Variants in H1-4 observed in about 807,000 individuals in gnomAD.
The protein encoded by H1-4 is histone H1.4.
A neutral mutation model predicts 7.2 loss-of-function variants in H1-4; 9 were observed. The ratio of observed to expected loss-of-function variants is 1.25; its 90% CI spans 0.75 to 2.18. The LOEUF (loss-of-function observed/expected upper bound fraction) is 2.18, where lower values mean the gene tolerates loss of function less well. Ranked by LOEUF, H1-4 falls within the 30% of genes most tolerant of loss-of-function variation. The probability of loss-of-function intolerance (pLI) is 0.00; values close to 1 mark genes in which losing one functional copy is unlikely to be tolerated. For synonymous variants in H1-4, 318 were observed against 126.6 expected (o/e 2.51, Z -10.15); for missense variants, 646 against 287.9 (o/e 2.24, Z -9.00).
Position 26,156,498 on chromosome 6 carries a change from T to C in H1-4, c.108T>C (p.Ser36=), listed in dbSNP as rs779790843. The part of the protein sequence containing the change: ...KSAGAAKRKA[S]GPPVSELITK... ...CAGGTGCGGCCAAGCGCAAAGCGTC[T>C]GGGCCCCCGGTGTCCGAGCTCATTA... is the stretch of plus-strand genomic sequence containing the variant. The change falls in exon 1 of 1, where the codon TCT becomes TCC. Residue 36 remains serine (S), a synonymous_variant. Transcript: ENST00000304218. 1.1e-5 allele frequency: 18 copies of C among 1,613,528 alleles called. No individual in the cohort carries two copies. In the African/African-American group the frequency reaches 2.0e-4, roughly 18 times the overall value.
rs372668418 is a variant in H1-4 at position 26,157,065 on chromosome 6, C to T, written c.*15C>T. On this transcript the variant is annotated 3_prime_UTR_variant, in exon 1 of 1. Coordinates refer to ENST00000304218, the MANE Select transcript of H1-4 (RefSeq NM_005321.3). ...AGAAAAAGTAGAAAGTTCCTTTGGC[C>T]AACTGCTTAGAAGCCCAACACAACC... 5.7e-5 allele frequency: 90 copies of T among 1,576,380 alleles called. No homozygotes were observed. In the South Asian group the frequency reaches 7.2e-4, roughly 13 times the overall value.
In H1-4 at chr6:26,156,994, A is replaced by C; in HGVS notation, c.604A>C (p.Lys202Gln). The change falls in exon 1 of 1, where the codon AAG (lysine) becomes CAG (glutamine). Residue 202 changes from lysine (K) to glutamine (Q), a missense_variant. By Grantham distance (53) the Lys-to-Gln change is moderately conservative. Transcript: ENST00000304218. ...KAVKPKAAKP[K>Q]TAKPKAAKPK... ...AGTTAAACCCAAGGCGGCTAAACCA[A>C]AGACCGCCAAGCCCAAGGCAGCCAA... 1 of 1,604,300 alleles carries C rather than the reference A, an allele frequency of 6.2e-7. No individual in the cohort carries two copies. The highest frequency in any genetic ancestry group is 8.5e-7 in the Non-Finnish European group (1 of 1,177,742).
At position 26,156,690 on chromosome 6, in the gene H1-4, C is replaced by T. The variant is rs141426072; in HGVS notation, c.300C>T (p.Gly100=). 703 of 1,614,200 alleles carry T rather than the reference C, an allele frequency of 4.4e-4. 6 individuals are homozygous for T. The highest frequency in any genetic ancestry group is 3.3e-5 in the Non-Finnish European group (39 of 1,180,036). Residue 100 remains glycine (G), a synonymous_variant, in exon 1 of 1, where the codon GGC becomes GGT. Coordinates refer to ENST00000304218, the MANE Select transcript of H1-4 (RefSeq NM_005321.3). ...KGTLVQTKGT[G]ASGSFKLNKK... is the part of the protein sequence containing the mutation. ...CCCTGGTGCAGACCAAGGGCACCGGCGCGTCGGGTTCCTTCAAACTCAACA... is the reference window on the plus strand; with the variant it reads ...CCCTGGTGCAGACCAAGGGCACCGGTGCGTCGGGTTCCTTCAAACTCAACA...
chr6:26,156,977 C>T lies in H1-4; in HGVS notation c.587C>T (p.Pro196Leu). The T allele has an allele frequency of 1.9e-6, 3 of 1,610,446 alleles. No homozygotes were observed. Among genetic ancestry groups the T allele is most frequent in the Non-Finnish European group, 2.5e-6 (3 of 1,179,392 alleles). Residue 196 changes from proline (P) to leucine (L), a missense_variant, in exon 1 of 1, where the codon CCC (proline) becomes CTC (leucine). Physicochemically the swap from Pro to Leu is moderately conservative, Grantham distance 98 (BLOSUM62 -3). Coordinates refer to ENST00000304218, the MANE Select transcript of H1-4 (RefSeq NM_005321.3). ...CCAGCGAAGGCCAAAGCAGTTAAAC[C>T]CAAGGCGGCTAAACCAAAGACCGCC... ...KSPAKAKAVK[P>L]KAAKPKTAKP...
chr6:26,157,101 T>C lies in H1-4; in HGVS notation c.*51T>C. ...AAGCCCAACACAACCCAAAGGCTCT[T>C]TTCAGAGCCACCCACCGCTCTCAGT... On this transcript the variant is annotated 3_prime_UTR_variant, in exon 1 of 1. Transcript: ENST00000304218. The C allele has an allele frequency of 1.3e-6, 2 of 1,546,992 alleles. No homozygotes were observed. Among genetic ancestry groups the C allele is most frequent in the East Asian group, 2.3e-5 (1 of 44,370 alleles).
rs1306426012 is a variant in H1-4, at chr6:26,156,859, A to G, written c.469A>G (p.Lys157Glu). 3.1e-6 allele frequency: 5 copies of G among 1,607,824 alleles called. No individual in the cohort carries two copies. The highest frequency in any genetic ancestry group is 4.2e-6 in the Non-Finnish European group (5 of 1,177,732). The change falls in exon 1 of 1, where the codon AAG (lysine) becomes GAG (glutamate). Residue 157 changes from lysine to glutamate, a missense_variant. Transcript: ENST00000304218. ...PKKSAKKTPK[K>E]AKKPAAAAGA... is the part of the protein sequence containing the mutation. Reference sequence around the variant, plus strand: ...GAAGAGCGCCAAGAAGACCCCAAAGAAGGCGAAGAAGCCGGCTGCAGCTGC... The same window carrying G: ...GAAGAGCGCCAAGAAGACCCCAAAGGAGGCGAAGAAGCCGGCTGCAGCTGC...
At position 26,156,909 on chromosome 6, in the gene H1-4, GAAAAAGGCGAAAGCAGCCAAGCCA is replaced by G. The variant is rs541188687; in HGVS notation, c.529_552del (p.Lys177_Ala184del). On this transcript the variant is annotated inframe_deletion, in exon 1 of 1. Transcript: ENST00000304218. ...CTGGAGCCAAAAAAGCGAAAAGCCCGAAAAAGGCGAAAGCAGCCAAGCCAAAAAAGGCGCCCAAGAGCCCAGCGA... is the reference window on the plus strand; with the variant it reads ...CTGGAGCCAAAAAAGCGAAAAGCCCGAAAAAGGCGCCCAAGAGCCCAGCGA... 1.9e-6 allele frequency: 3 copies of G among 1,607,144 alleles called. No individual in the cohort carries two copies. Among genetic ancestry groups the G allele is most frequent in the Non-Finnish European group, 1.7e-6 (2 of 1,177,702 alleles).
Position 26,156,764 on chromosome 6 carries a change from CGGCCAA to C in H1-4, c.382_387del (p.Ala128_Lys129del). The C allele has an allele frequency of 6.2e-7, 1 of 1,613,490 alleles. No individual in the cohort carries two copies. The highest frequency in any genetic ancestry group is 8.5e-7 in the Non-Finnish European group (1 of 1,179,760). ...AAGCCTAAGGCTAAAAAGGCAGGCGCGGCCAAGGCCAAGAAGCCAGCAGGAGCGGCG... is the reference window on the plus strand; with the variant it reads ...AAGCCTAAGGCTAAAAAGGCAGGCGCGGCCAAGAAGCCAGCAGGAGCGGCG... On this transcript the variant is annotated inframe_deletion, in exon 1 of 1. Coordinates refer to ENST00000304218, the MANE Select transcript of H1-4 (RefSeq NM_005321.3).
chr6:26,156,701 C>T lies in H1-4; in HGVS notation c.311C>T (p.Ser104Phe), dbSNP rs759369066. 1.2e-6 allele frequency: 2 copies of T among 1,614,214 alleles called. No homozygotes were observed. The highest frequency in any genetic ancestry group is 8.5e-7 in the Non-Finnish European group (1 of 1,180,042). The change falls in exon 1 of 1, where the codon TCC (serine) becomes TTC (phenylalanine). Residue 104 changes from serine (S) to phenylalanine (F), a missense_variant. Transcript: ENST00000304218. ...ACCAAGGGCACCGGCGCGTCGGGTT[C>T]CTTCAAACTCAACAAGAAGGCGGCC... is the stretch of plus-strand genomic sequence containing the variant. ...VQTKGTGASG[S>F]FKLNKKAASG...
chr6:26,156,377 C>A lies in H1-4; in HGVS notation c.-14C>A. 2 of 1,544,636 alleles carry A rather than the reference C, an allele frequency of 1.3e-6. No homozygotes were observed. The highest frequency in any genetic ancestry group is 1.2e-5 in the South Asian group (1 of 82,388). Reference sequence around the variant, plus strand: ...TTCCGGCTCGAATTGCTCTCGCTCACGCTTGCCTTCAACATGTCCGAGACT... The same window carrying A: ...TTCCGGCTCGAATTGCTCTCGCTCAAGCTTGCCTTCAACATGTCCGAGACT... On this transcript the variant is annotated 5_prime_UTR_variant, in exon 1 of 1. Transcript: ENST00000304218.
chr6:26,156,617 A>C lies in H1-4; in HGVS notation c.227A>C (p.Asn76Thr). 6.2e-7 allele frequency: 1 copy of C among 1,614,250 alleles called. No homozygotes were observed. The highest frequency in any genetic ancestry group is 8.5e-7 in the Non-Finnish European group (1 of 1,180,040). The change falls in exon 1 of 1, where the codon AAC (asparagine) becomes ACC (threonine). Residue 76 changes from asparagine to threonine, a missense_variant. By Grantham distance (65) the Asn-to-Thr change is moderately conservative. Coordinates refer to ENST00000304218, the MANE Select transcript of H1-4 (RefSeq NM_005321.3). Reference protein sequence around the residue: ...LAAAGYDVEKNNSRIKLGLKS... With the variant: ...LAAAGYDVEKTNSRIKLGLKS... ...GCCGCTGGCTATGACGTGGAGAAGA[A>C]CAACAGCCGCATCAAGCTGGGTCTC...
rs376392622 is a variant in H1-4, at chr6:26,157,066, A to G, written c.*16A>G. Reference sequence around the variant, plus strand: ...GAAAAAGTAGAAAGTTCCTTTGGCCAACTGCTTAGAAGCCCAACACAACCC... The same window carrying G: ...GAAAAAGTAGAAAGTTCCTTTGGCCGACTGCTTAGAAGCCCAACACAACCC... On this transcript the variant is annotated 3_prime_UTR_variant, in exon 1 of 1. Coordinates refer to ENST00000304218, the MANE Select transcript of H1-4 (RefSeq NM_005321.3). The G allele has an allele frequency of 7.0e-6, 11 of 1,575,918 alleles. No individual in the cohort carries two copies. Among genetic ancestry groups the G allele is most frequent in the Admixed American group, 6.2e-5 (3 of 48,022 alleles).
chr6:26,157,083 A>C lies in H1-4; in HGVS notation c.*33A>C, dbSNP rs773852743. On this transcript the variant is annotated 3_prime_UTR_variant, in exon 1 of 1. Transcript: ENST00000304218. ...CTTTGGCCAACTGCTTAGAAGCCCA[A>C]CACAACCCAAAGGCTCTTTTCAGAG... The C allele has an allele frequency of 2.6e-5, 41 of 1,565,806 alleles. No homozygotes were observed. The African/African-American group carries it at 2.8e-4, about 11-fold the overall frequency.
At position 26,156,576 on chromosome 6, in the gene H1-4, C is replaced by G. The variant is rs200756277; in HGVS notation, c.186C>G (p.Leu62=). 3 of 1,614,074 alleles carry G rather than the reference C, an allele frequency of 1.9e-6. No homozygotes were observed. Among genetic ancestry groups the G allele is most frequent in the Non-Finnish European group, 2.5e-6 (3 of 1,180,036 alleles). ...GCAGCGGCGTATCTTTGGCCGCTCT[C>G]AAGAAAGCGCTGGCAGCCGCTGGCT... ...KERSGVSLAA[L]KKALAAAGYD... The change falls in exon 1 of 1, where the codon CTC becomes CTG. Residue 62 remains leucine (L), a synonymous_variant. Transcript: ENST00000304218.
Position 26,156,349 on chromosome 6 carries a change from T to C in H1-4, c.-42T>C. 1.3e-6 allele frequency: 2 copies of C among 1,509,648 alleles called. No individual in the cohort carries two copies. Among genetic ancestry groups the C allele is most frequent in the Admixed American group, 2.2e-5 (1 of 46,398 alleles). 93.5% of individuals were successfully genotyped at this position (1,509,648 alleles called of 1,614,324 possible). On this transcript the variant is annotated 5_prime_UTR_variant, in exon 1 of 1. Transcript: ENST00000304218. Reference sequence around the variant, plus strand: ...CGGCTCGAGTCCCGGCCAGTGCCTCTGCTTCCGGCTCGAATTGCTCTCGCT... The same window carrying C: ...CGGCTCGAGTCCCGGCCAGTGCCTCCGCTTCCGGCTCGAATTGCTCTCGCT...
Position 26,156,490 on chromosome 6 carries a change from A to C in H1-4, c.100A>C (p.Lys34Gln), listed in dbSNP as rs759683845. Residue 34 changes from lysine to glutamine, a missense_variant, in exon 1 of 1, where the codon AAA becomes CAA. Lys to Gln is a moderately conservative substitution (Grantham distance 53). Transcript: ENST00000304218. ...ARKSAGAAKR[K>Q]ASGPPVSELI... The stretch of plus-strand genomic sequence containing the variant: ...CAAGTCTGCAGGTGCGGCCAAGCGC[A>C]AAGCGTCTGGGCCCCCGGTGTCCGA... 2.5e-6 allele frequency: 4 copies of C among 1,613,556 alleles called. No individual in the cohort carries two copies. Among genetic ancestry groups the C allele is most frequent in the Admixed American group, 3.3e-5 (2 of 60,012 alleles).
chr6:26,157,050 G>GA lies in H1-4; in HGVS notation c.*3dup, dbSNP rs1317664854. 6.3e-7 allele frequency: 1 copy of GA among 1,579,988 alleles called. No homozygotes were observed. The highest frequency in any genetic ancestry group is 2.2e-5 in the East Asian group (1 of 44,792). On this transcript the variant is annotated 3_prime_UTR_variant, in exon 1 of 1. Coordinates refer to ENST00000304218, the MANE Select transcript of H1-4 (RefSeq NM_005321.3). ...AGAAGGCGGCAGCCAAGAAAAAGTA[G>GA]AAAGTTCCTTTGGCCAACTGCTTAG...
At position 26,156,794 on chromosome 6, in the gene H1-4, CGAA is replaced by C; in HGVS notation, c.409_411del (p.Lys137del). 1 of 1,611,174 alleles carries C rather than the reference CGAA, an allele frequency of 6.2e-7. No individual in the cohort carries two copies. The highest frequency in any genetic ancestry group is 1.1e-5 in the South Asian group (1 of 90,892). ...AAGGCCAAGAAGCCAGCAGGAGCGGCGAAGAAGCCCAAGAAGGCGACGGGGGCG... is the reference window on the plus strand; with the variant it reads ...AAGGCCAAGAAGCCAGCAGGAGCGGCGAAGCCCAAGAAGGCGACGGGGGCG... On this transcript the variant is annotated inframe_deletion, in exon 1 of 1. Coordinates refer to ENST00000304218, the MANE Select transcript of H1-4 (RefSeq NM_005321.3).
At position 26,156,624 on chromosome 6, in the gene H1-4, C is replaced by G; in HGVS notation, c.234C>G (p.Ser78Arg). The G allele has an allele frequency of 6.2e-7, 1 of 1,614,242 alleles. No individual in the cohort carries two copies. The highest frequency in any genetic ancestry group is 2.2e-5 in the East Asian group (1 of 44,878). Residue 78 changes from serine (S) to arginine (R), a missense_variant, in exon 1 of 1, where the codon AGC (serine) becomes AGG (arginine). Physicochemically the swap from Ser to Arg is moderately radical, Grantham distance 110. Transcript: ENST00000304218. ...GCTATGACGTGGAGAAGAACAACAG[C>G]CGCATCAAGCTGGGTCTCAAGAGCC... ...AAGYDVEKNN[S>R]RIKLGLKSLV... is the part of the protein sequence containing the mutation.
Sources: allele counts gnomAD v4.1 joint callset, GRCh38; gene constraint gnomAD v4.1.1; transcripts MANE v1.5; gene names NCBI Gene and HGNC (gene_info 2026-07-23, HGNC 2026-07-21).